Variants in MGAT5 observed in about 807,000 individuals in gnomAD.
The protein encoded by MGAT5 is alpha-1,6-mannosylglycoprotein 6-beta-N-acetylglucosaminyltransferase, also known as alpha-1,6-mannosylglycoprotein 6-beta-N-acetylglucosaminyltransferase A.
In MGAT5, 30 loss-of-function variants were observed where a neutral mutation model predicts 94.3. The ratio of observed to expected loss-of-function variants is 0.32; its 90% CI spans 0.24 to 0.43. The LOEUF is 0.43. Among genes scored for constraint, MGAT5 ranks in the 20% least tolerant of loss-of-function variants. MGAT5 has a pLI of 1.00. For synonymous variants in MGAT5, 310 were observed against 322.9 expected (o/e 0.96, Z 0.43); for missense variants, 691 against 905.5 (o/e 0.76, Z 3.04).
chr2:134,379,689 G>A (rs1207011213), intron 10 of MGAT5, among the ~76,000 whole-genome samples: 1 of 152,190 alleles, frequency 6.6e-6, no homozygotes, highest in Non-Finnish European at 1.5e-5. Flanking sequence ...TGTATCCCTG[G>A]TGACTAGCTA....
At chr2:134,435,624 C>A (rs966575409) in intron 14 of MGAT5, among the ~76,000 whole-genome samples, 2 of 152,198 alleles carry the variant, frequency 1.3e-5, no homozygotes, top group Admixed American at 1.3e-4. Context: ...GACTAGATTG[C>A]ATGTCGTCAT....
At chr2:134,159,479 A>G (rs1452908213) in intron 1 of MGAT5, among the ~76,000 whole-genome samples, 3 of 152,208 alleles carry the variant, frequency 2.0e-5, no homozygotes, top group Non-Finnish European at 4.4e-5. Flanking sequence ...AGTGAACAGC[A>G]AACATCTGTC....
chr2:134,308,095 T>C (rs1464560919), intron 2 of MGAT5, among the ~76,000 whole-genome samples: 1 of 152,180 alleles, frequency 6.6e-6, no homozygotes, highest in Non-Finnish European at 1.5e-5. Flanking sequence ...ATAGTACTTA[T>C]TATTGTGAGG....
intron 2 of MGAT5, among the ~76,000 whole-genome samples, chr2:134,289,267 T>G (rs1469807219): frequency 6.6e-6 from 1 of 152,162 alleles, no homozygotes; most frequent in Non-Finnish European, 1.5e-5. Flanking sequence ...CCTCTGACTT[T>G]GAGAAGGCAA....
chr2:134,262,792 T>C (rs531846834), intron 1 of MGAT5, among the ~76,000 whole-genome samples: 1 of 152,304 alleles, frequency 6.6e-6, no homozygotes, highest in South Asian at 2.1e-4. Context: ...AGATCTGACG[T>C]TGTTCATTTG....
In MGAT5 at chr2:134,405,931, T is replaced by C. The variant is rs536146824; in HGVS notation, c.1530+2794T>C. Reference sequence around the variant, plus strand: ...TTCAATGTAACACTAATACTGGGGCTAAAAGAGCCAGGAAGTTGTTGGAAT... The same window carrying C: ...TTCAATGTAACACTAATACTGGGGCCAAAAGAGCCAGGAAGTTGTTGGAAT... On this transcript the variant is annotated intron_variant, in intron 11 of 15. Transcript: ENST00000281923. Among the ~76,000 whole-genome samples the C allele has an allele frequency of 9.8e-5, 15 of 152,354 alleles. No homozygotes were observed. In the East Asian group the frequency reaches 2.9e-3, roughly 29 times the overall value.
intron 10 of MGAT5, among the ~76,000 whole-genome samples, chr2:134,381,710 A>G (rs1466485578): frequency 6.6e-6 from 1 of 152,178 alleles, no homozygotes; most frequent in Non-Finnish European, 1.5e-5. Flanking sequence ...TGGAAATGCA[A>G]ACAGTTTTCC....
intron 1 of MGAT5, among the ~76,000 whole-genome samples, chr2:134,132,354 T>C (rs1686216485): frequency 6.6e-6 from 1 of 152,212 alleles, no homozygotes; most frequent in South Asian, 2.1e-4. Flanking sequence ...GACCCCACCC[T>C]GGAGTAAGAA....
chr2:134,411,318 C>G (rs1558866884), intron 11 of MGAT5, among the ~76,000 whole-genome samples: 1 of 152,092 alleles, frequency 6.6e-6, no homozygotes, highest in East Asian at 1.9e-4. Context: ...ACCATCACCC[C>G]CACCCGTGAT....
intron 1 of MGAT5, among the ~76,000 whole-genome samples, chr2:134,189,603 T>TTTTTTTTTTTTTTTTTG (rs1689246406): frequency 1.7e-5 from 1 of 57,540 alleles, no homozygotes; most frequent in Non-Finnish European, 2.9e-5. Context: ...TTTTTTTTTG[T>TTTTTTTTTTTTTTTTTG]TTTTTTTTTT....
At chr2:134,230,996 C>T (rs181982353) in intron 1 of MGAT5, among the ~76,000 whole-genome samples, 1 of 152,136 alleles carries the variant, frequency 6.6e-6, no homozygotes, top group Non-Finnish European at 1.5e-5. Context: ...CAACATTGGA[C>T]CTTGTGAAAG....
chr2:134,255,807 A>C (rs1682929307), intron 1 of MGAT5, among the ~76,000 whole-genome samples: 1 of 152,194 alleles, frequency 6.6e-6, no homozygotes, highest in Non-Finnish European at 1.5e-5. Flanking sequence ...GCCGATTTCA[A>C]ATCGTGATTC....
At chr2:134,410,847 C>G (rs1376368209) in intron 11 of MGAT5, among the ~76,000 whole-genome samples, 1 of 152,174 alleles carries the variant, frequency 6.6e-6, no homozygotes, top group East Asian at 1.9e-4. Context: ...CTGACTAAAC[C>G]TGCAGAAATC....
chr2:134,164,937 T>C (rs536775083), intron 1 of MGAT5, among the ~76,000 whole-genome samples: 2 of 152,140 alleles, frequency 1.3e-5, no homozygotes, highest in African/African-American at 4.8e-5. Context: ...GACAGTCCCT[T>C]AATTCTGTGG....
At chr2:134,153,672 G>A (rs1687333857) in intron 1 of MGAT5, among the ~76,000 whole-genome samples, 1 of 152,164 alleles carries the variant, frequency 6.6e-6, no homozygotes. Flanking sequence ...CAGGCTTGCT[G>A]TCTCGGAGGA....
chr2:134,425,879 A>G (rs1284799036), intron 13 of MGAT5, among the ~76,000 whole-genome samples: 3 of 151,118 alleles, frequency 2.0e-5, no homozygotes, highest in Admixed American at 6.6e-5. Context: ...GGCCCTCGCC[A>G]TATGAGTAAC....
chr2:134,171,020 C>G (rs57595275), intron 1 of MGAT5, among the ~76,000 whole-genome samples: 5,673 of 152,088 alleles, frequency 0.037, 362 homozygotes, highest in African/African-American at 0.13. Flanking sequence ...ACCATCACAC[C>G]AAGCTAATTT....
rs1280401643 is a variant in MGAT5 at position 134,405,833 on chromosome 2, C to T, written c.1530+2696C>T. On this transcript the variant is annotated intron_variant, in intron 11 of 15. Coordinates refer to ENST00000281923, the MANE Select transcript of MGAT5 (RefSeq NM_002410.5). ...AACCCTCTGCTCAGCAGAATTTTGTCCAGGCATGCCATTAGGGGTGCAGGC... is the reference window on the plus strand; with the variant it reads ...AACCCTCTGCTCAGCAGAATTTTGTTCAGGCATGCCATTAGGGGTGCAGGC... Among the ~76,000 whole-genome samples the T allele has an allele frequency of 2.6e-5, 4 of 152,338 alleles. No individual in the cohort carries two copies. In the East Asian group the frequency reaches 7.7e-4, roughly 29 times the overall value.
chr2:134,250,921 A>G (rs185858182), upstream of MGAT5, among the ~76,000 whole-genome samples: 10 of 152,240 alleles, frequency 6.6e-5, no homozygotes, highest in South Asian at 2.1e-4. Flanking sequence ...GAAGCCTTCT[A>G]CCTTCTAAGG....
Sources: allele counts gnomAD v4.1 joint callset (sites outside exome capture counted in the v4.1 genomes callset), GRCh38; gene constraint gnomAD v4.1.1; transcripts MANE v1.5; gene names NCBI Gene and HGNC (gene_info 2026-07-23, HGNC 2026-07-21).